Variants in FMN1 observed in about 807,000 individuals in gnomAD.
FMN1 encodes the protein formin 1, also known as formin-1.
Under a neutral mutation model 132.4 loss-of-function variants are expected in FMN1, and 110 were observed. The ratio of observed to expected loss-of-function variants is 0.83; its 90% confidence interval spans 0.71 to 0.97. The LOEUF is 0.97. Among genes scored for constraint, FMN1 ranks in the 50% least tolerant of loss-of-function variants. The probability of loss-of-function intolerance (pLI) is 0.00; values close to 1 mark genes in which losing one functional copy is unlikely to be tolerated. For missense variants in FMN1, 1,792 were observed against 1,705.3 expected, an observed-to-expected ratio of 1.05 and a Z score of -0.90; for synonymous variants, 722 against 651.7, an observed-to-expected ratio of 1.11 and a Z score of -1.64.
chr15:32,855,157 T>TAAAAA (rs750275479), intron 17 of FMN1, among the ~76,000 whole-genome samples: 2 of 85,508 alleles, frequency 2.3e-5, no homozygotes, highest in Admixed American at 1.4e-4. Flanking sequence ...ACGTGGAGAG[T>TAAAAA]AAAAAAAAAA....
chr15:32,862,921 G>A (rs1474408513), intron 16 of FMN1, among the ~76,000 whole-genome samples: 1 of 152,084 alleles, frequency 6.6e-6, no homozygotes. Context: ...ACAGTCCTGC[G>A]CCAGTTCTGC....
intron 6 of FMN1, among the ~76,000 whole-genome samples, chr15:33,055,097 T>G (rs996044497): frequency 2.0e-5 from 3 of 152,148 alleles, no homozygotes; most frequent in African/African-American, 7.2e-5. Flanking sequence ...CCCTGCAGCA[T>G]TAATATCAAT....
intron 4 of FMN1, among the ~76,000 whole-genome samples, chr15:33,121,679 C>T (rs1440629533): frequency 2.1e-5 from 3 of 144,502 alleles, no homozygotes; most frequent in Non-Finnish European, 2.9e-5. Flanking sequence ...CAGGTGTCAG[C>T]CACCATGCCC....
intron 9 of FMN1, among the ~76,000 whole-genome samples, chr15:32,937,040 T>C (rs1268261292): frequency 6.6e-6 from 1 of 152,144 alleles, no homozygotes; most frequent in African/African-American, 2.4e-5. Flanking sequence ...AGCCAGAGCA[T>C]TGGACGGATG....
At chr15:32,968,427 C>G (rs142546609) in intron 8 of FMN1, among the ~76,000 whole-genome samples, 27 of 152,292 alleles carry the variant, frequency 1.8e-4, no homozygotes, top group Middle Eastern at 3.4e-3. Flanking sequence ...AAAGCTTTGG[C>G]TTAGATCCGG....
chr15:33,072,403 AG>A (rs1390841484), intron 5 of FMN1, among the ~76,000 whole-genome samples: 1 of 152,186 alleles, frequency 6.6e-6, no homozygotes, highest in Non-Finnish European at 1.5e-5. Context: ...AAGTAGATGG[AG>A]GGACAACTCT....
intron 19 of FMN1, among the ~76,000 whole-genome samples, chr15:32,783,711 C>T (rs55736222): frequency 0.037 from 4,686 of 127,404 alleles, 331 homozygotes; most frequent in East Asian, 0.14. Flanking sequence ...TGCCACTGCA[C>T]TCCAGCCTGG....
intron 3 of FMN1, among the ~76,000 whole-genome samples, chr15:33,173,318 A>G (rs1965397069): frequency 6.6e-6 from 1 of 152,248 alleles, no homozygotes; most frequent in Non-Finnish European, 1.5e-5. Context: ...GAAGAAAAAC[A>G]GTATCTGGCT....
chr15:32,946,076 T>C (rs1413629757), intron 9 of FMN1, among the ~76,000 whole-genome samples: 1 of 152,066 alleles, frequency 6.6e-6, no homozygotes, highest in Non-Finnish European at 1.5e-5. Flanking sequence ...TTCCACGAAA[T>C]GTTGGTAAAA....
chr15:33,065,351 T>C (rs2037675915), intron 5 of FMN1, among the ~76,000 whole-genome samples: 1 of 152,186 alleles, frequency 6.6e-6, no homozygotes. Context: ...TATATAATTA[T>C]TTGAAAAAGC....
At chr15:33,165,070 T>TA (rs1965042955) in intron 3 of FMN1, among the ~76,000 whole-genome samples, 2 of 152,274 alleles carry the variant, frequency 1.3e-5, no homozygotes, top group South Asian at 4.1e-4. Flanking sequence ...CCGCCTGATT[T>TA]AAAAAAAGAA....
At chr15:33,036,929 A>T (rs188250973) in intron 6 of FMN1, among the ~76,000 whole-genome samples, 3 of 152,264 alleles carry the variant, frequency 2.0e-5, no homozygotes, top group Admixed American at 6.5e-5. Context: ...TTTAAATTAT[A>T]AAAGCAATGA....
chr15:33,153,298 C>T lies in FMN1; in HGVS notation c.1617G>A (p.Arg539=), dbSNP rs1964524745. 6.5e-7 allele frequency: 1 copy of T among 1,536,204 alleles called. No homozygotes were observed. Among genetic ancestry groups the T allele is most frequent in the Admixed American group, 2.0e-5 (1 of 51,000 alleles). The stretch of plus-strand genomic sequence containing the variant: ...CCCTCTCACCAGGCAATGCAGGGAG[C>T]CGGAGGATCCTGTGATGCTGCTGAG... ...PSPQQHHRIL[R]LPALPGEREA... is the part of the protein sequence containing the mutation. The change falls in exon 4 of 21, where the codon CGG becomes CGA. Residue 539 remains arginine (R), a synonymous_variant. Coordinates refer to ENST00000616417, the MANE Select transcript of FMN1 (RefSeq NM_001277313.2).
At chr15:33,023,735 C>G (rs1035090665) in intron 6 of FMN1, among the ~76,000 whole-genome samples, 1 of 151,840 alleles carries the variant, frequency 6.6e-6, no homozygotes, top group African/African-American at 2.4e-5. Context: ...GAAAAAAATA[C>G]CAAAAAATAG....
At chr15:33,048,492 TAA>T (rs1300674486) in intron 6 of FMN1, among the ~76,000 whole-genome samples, 2 of 151,292 alleles carry the variant, frequency 1.3e-5, no homozygotes, top group Non-Finnish European at 2.9e-5. Flanking sequence ...GCACTAAAAG[TAA>T]AAGTTTCTAA....
intron 3 of FMN1, among the ~76,000 whole-genome samples, chr15:33,166,769 G>GTGCA: frequency 6.6e-6 from 1 of 152,272 alleles, no homozygotes; most frequent in East Asian, 1.9e-4. Flanking sequence ...CTAAGAGTTA[G>GTGCA]TTATTTTGAA....
chr15:32,953,889 G>A (rs28439064), intron 9 of FMN1, among the ~76,000 whole-genome samples: 3,348 of 152,256 alleles, frequency 0.022, 56 homozygotes, highest in Non-Finnish European at 0.03. Context: ...TCATTGACTA[G>A]GTAAAAATCT....
intron 19 of FMN1, among the ~76,000 whole-genome samples, chr15:32,781,668 T>A (rs1233228874): frequency 6.6e-6 from 1 of 152,232 alleles, no homozygotes; most frequent in Non-Finnish European, 1.5e-5. Flanking sequence ...CCAGTTTACT[T>A]ATCTTACCTT....
At chr15:32,787,958 T>G (rs1004459754) in intron 19 of FMN1, among the ~76,000 whole-genome samples, 3 of 152,234 alleles carry the variant, frequency 2.0e-5, no homozygotes, top group Non-Finnish European at 4.4e-5. Context: ...TCCTAAGATA[T>G]TTTCCTATTT....
Sources: allele counts gnomAD v4.1 joint callset (sites outside exome capture counted in the v4.1 genomes callset), GRCh38; gene constraint gnomAD v4.1.1; transcripts MANE v1.5; gene names NCBI Gene and HGNC (gene_info 2026-07-23, HGNC 2026-07-21).